The following PLA2G4E variants were observed in gnomAD, a reference collection of about 807,000 sequenced individuals.
PLA2G4E encodes cytosolic phospholipase A2 epsilon.
In PLA2G4E, 84 loss-of-function variants were observed where a neutral mutation model predicts 109.1. The ratio of observed to expected loss-of-function variants is 0.77; its 90% CI spans 0.65 to 0.92. The LOEUF (loss-of-function observed/expected upper bound fraction) is 0.92, where lower values mean the gene tolerates loss of function less well. PLA2G4E is among the 40% of genes least tolerant of loss of function. The pLI is 0.00. For missense variants in PLA2G4E, 1,057 were observed against 1,076.6 expected, an observed-to-expected ratio of 0.98 and a Z score of 0.25; for synonymous variants, 469 against 436.1, an observed-to-expected ratio of 1.08 and a Z score of -0.94.
intron 18 of PLA2G4E, 35 bp from the exon 19 acceptor site, chr15:41,984,654 G>A: frequency 1.3e-6 from 2 of 1,517,744 alleles, no homozygotes; most frequent in Non-Finnish European, 1.8e-6. Flanking sequence ...TGAGCATTAG[G>A]AGGAGTGGGA....
At chr15:42,045,964 C>CTGAGTAAGGGGCATCTCTCAG (rs1566853569) in intron 1 of PLA2G4E, among the ~76,000 whole-genome samples, 5 of 152,176 alleles carry the variant, frequency 3.3e-5, no homozygotes, top group Non-Finnish European at 7.3e-5. Flanking sequence ...TCTATCCTAG[C>CTGAGTAAGGGGCATCTCTCAG]TGAGTAAGGG....
chr15:42,000,921 G>A (rs551044592), intron 7 of PLA2G4E, among the ~76,000 whole-genome samples: 1 of 152,316 alleles, frequency 6.6e-6, no homozygotes, highest in South Asian at 2.1e-4. Flanking sequence ...TGGGACCCCA[G>A]ACCTGAGATA....
At chr15:42,017,057 C>T (rs1193077228) in intron 1 of PLA2G4E, among the ~76,000 whole-genome samples, 1 of 152,206 alleles carries the variant, frequency 6.6e-6, no homozygotes, top group Admixed American at 6.5e-5. Context: ...AAACCTGTAC[C>T]CACCGGCCCA....
At chr15:42,042,964 G>A (rs1366457047) in intron 1 of PLA2G4E, among the ~76,000 whole-genome samples, 5 of 152,216 alleles carry the variant, frequency 3.3e-5, no homozygotes, top group Admixed American at 6.5e-5. Context: ...TGACCTGATG[G>A]TGGAAATAGG....
At position 41,987,305 on chromosome 15, in the gene PLA2G4E, TGG is replaced by T; in HGVS notation, c.1900_1901del (p.Pro634ArgfsTer20). The T allele has an allele frequency of 1.2e-6, 2 of 1,613,994 alleles. No homozygotes were observed. The highest frequency in any genetic ancestry group is 1.7e-6 in the Non-Finnish European group (2 of 1,179,868). Reference sequence around the variant, plus strand: ...GGAAAGAATTGGACAGCCATGACCCTGGGATCACTACCGTGGTCTCCAGGATG... The same window carrying T: ...GGAAAGAATTGGACAGCCATGACCCTGATCACTACCGTGGTCTCCAGGATG... On this transcript the variant is annotated frameshift_variant, in exon 17 of 20. Coordinates refer to ENST00000399518, the Ensembl canonical transcript of PLA2G4E. LOFTEE classifies it high-confidence loss of function.
intron 5 of PLA2G4E, among the ~76,000 whole-genome samples, chr15:42,004,026 TTGGGC>T (rs1335921347): frequency 2.6e-5 from 4 of 152,166 alleles, no homozygotes; most frequent in African/African-American, 7.2e-5. Flanking sequence ...TGAAAATGAT[TTGGGC>T]TGGGCGCGGT....
chr15:41,989,348 G>GC (rs1177976949), intron 15 of PLA2G4E, 67 bp downstream of exon 15: 1 of 1,594,030 alleles, frequency 6.3e-7, no homozygotes, highest in African/African-American at 1.3e-5. Context: ...ATAATCAGGG[G>GC]CCAACCCAGG....
intron 1 of PLA2G4E, among the ~76,000 whole-genome samples, chr15:42,024,970 G>A (rs989224656): frequency 7.2e-5 from 11 of 152,142 alleles, no homozygotes; most frequent in African/African-American, 2.7e-4. Flanking sequence ...GGAGGCTGAG[G>A]TGGGTGGATC....
chr15:42,048,484 G>A (rs1357543402), intron 1 of PLA2G4E, among the ~76,000 whole-genome samples: 2 of 152,126 alleles, frequency 1.3e-5, no homozygotes, highest in African/African-American at 2.4e-5. Context: ...ATGTCTTTTT[G>A]TGGTCGTCTG....
At chr15:42,049,645 T>C (rs2724947) in intron 1 of PLA2G4E, among the ~76,000 whole-genome samples, 41,236 of 152,020 alleles carry the variant, frequency 0.27, 5,743 homozygotes, top group South Asian at 0.37. Flanking sequence ...AGGGGCCAGA[T>C]AGAAGGAGGC....
chr15:42,000,070 C>A, intron 8 of PLA2G4E, 34 bp downstream of exon 8: 1 of 1,573,918 alleles, frequency 6.4e-7, no homozygotes, highest in East Asian at 2.4e-5. Flanking sequence ...TGTCCCAGTC[C>A]CCCACACCTC....
At chr15:41,991,740 A>G (rs540890611) in intron 13 of PLA2G4E, among the ~76,000 whole-genome samples, 12 of 152,310 alleles carry the variant, frequency 7.9e-5, no homozygotes, top group African/African-American at 2.6e-4. Context: ...TATAAAAAAT[A>G]ATTGCTGCAA....
intron 10 of PLA2G4E, chr15:41,998,926 A>G (rs748809389): frequency 2.0e-5 from 3 of 152,216 alleles, no homozygotes; most frequent in African/African-American, 7.2e-5. Context: ...AGAGGTGTGC[A>G]TCTGTAATCC....
At chr15:42,026,870 G>A (rs969092198) in intron 1 of PLA2G4E, among the ~76,000 whole-genome samples, 4 of 151,954 alleles carry the variant, frequency 2.6e-5, no homozygotes, top group Admixed American at 2.6e-4. Context: ...CTACTCAGGA[G>A]GCTGAGGTAA....
At chr15:41,993,609 C>T (rs926870210) in intron 12 of PLA2G4E, among the ~76,000 whole-genome samples, 1 of 152,146 alleles carries the variant, frequency 6.6e-6, no homozygotes, top group African/African-American at 2.4e-5. Flanking sequence ...AGCCCTGGGT[C>T]TGGCCTCAGT....
At chr15:41,987,216 A>G (rs1303257964) in exon 17 of PLA2G4E, 1 of 1,613,888 alleles carries the variant, frequency 6.2e-7, no homozygotes, top group African/African-American at 1.3e-5. Context: ...GTTGGTGTGC[A>G]GCTGCAGCCC....
intron 19 of PLA2G4E, 148 bp from the exon 20 acceptor site, chr15:41,984,122 GCACCTGCA>G: frequency 2.6e-6 from 2 of 760,196 alleles, no homozygotes; most frequent in Admixed American, 4.6e-5. Flanking sequence ...CCTCACACAC[GCACCTGCA>G]CACCTGCAAG....
chr15:41,988,095 C>T (rs563093387), exon 16 of PLA2G4E: 199 of 1,608,160 alleles, frequency 1.2e-4, no homozygotes, highest in Middle Eastern at 6.6e-4. Context: ...AAAACTCCTC[C>T]GAGGTGTGTG....
chr15:41,987,244 A>C, exon 17 of PLA2G4E: 1 of 1,614,014 alleles, frequency 6.2e-7, no homozygotes, highest in Non-Finnish European at 8.5e-7. Context: ...AAGTTGTGAA[A>C]CTCAGACACG....
Sources: gnomAD v4.1 joint callset for allele counts (sites outside exome capture counted in the v4.1 genomes callset) on GRCh38, gnomAD v4.1.1 for gene constraint, MANE v1.5 for transcripts, NCBI Gene and HGNC (gene_info 2026-07-23, HGNC 2026-07-21) for gene names.